Variants in SLC4A4 observed in about 807,000 individuals in gnomAD.
The protein encoded by SLC4A4 is electrogenic sodium bicarbonate cotransporter 1.
A neutral mutation model predicts 111.5 loss-of-function variants in SLC4A4; 27 were observed. The observed-to-expected ratio is 0.24, with a 90% CI of 0.18 to 0.33. The LOEUF (loss-of-function observed/expected upper bound fraction) is 0.33. SLC4A4 is among the 10% of genes least tolerant of loss of function. The probability of loss-of-function intolerance (pLI) is 1.00; values close to 1 mark genes in which losing one functional copy is unlikely to be tolerated. For missense variants in SLC4A4, 909 were observed against 1,315.5 expected (o/e 0.69, Z 4.78); for synonymous variants, 443 against 463.4 (o/e 0.96, Z 0.57).
At chr4:71,520,859 A>C (rs1732869143) in intron 16 of SLC4A4, among the ~76,000 whole-genome samples, 1 of 150,526 alleles carries the variant, frequency 6.6e-6, no homozygotes, top group African/African-American at 2.4e-5. Context: ...GGGGGTGGCT[A>C]GGGGTGGGAG....
intron 1 of SLC4A4, among the ~76,000 whole-genome samples, chr4:71,084,562 A>T (rs1742095327): frequency 6.6e-6 from 1 of 151,226 alleles, no homozygotes; most frequent in East Asian, 1.9e-4. Flanking sequence ...CCCTGCCCCC[A>T]CTGCACAACA....
At chr4:71,463,694 G>A (rs539045382) in intron 12 of SLC4A4, among the ~76,000 whole-genome samples, 87 of 152,278 alleles carry the variant, frequency 5.7e-4, no homozygotes, top group African/African-American at 2.0e-3. Context: ...AACAATGCCT[G>A]TTGACCTTTG....
chr4:71,177,195 G>A (rs1020980709), intron 2 of SLC4A4, among the ~76,000 whole-genome samples: 1 of 152,230 alleles, frequency 6.6e-6, no homozygotes, highest in South Asian at 2.1e-4. Context: ...ACATGGAAAG[G>A]AATAACCAGT....
intron 6 of SLC4A4, among the ~76,000 whole-genome samples, chr4:71,376,398 T>A (rs984677023): frequency 6.7e-6 from 1 of 150,370 alleles, no homozygotes; most frequent in Non-Finnish European, 1.5e-5. Flanking sequence ...AGAGACGGGG[T>A]TTCACTGTGT....
chr4:71,380,768 C>T (rs1718063416), intron 6 of SLC4A4, among the ~76,000 whole-genome samples: 2 of 152,186 alleles, frequency 1.3e-5, no homozygotes, highest in Non-Finnish European at 2.9e-5. Flanking sequence ...GGGGTTTAGA[C>T]TCCAGATGGC....
intron 7 of SLC4A4, among the ~76,000 whole-genome samples, chr4:71,427,147 T>G (rs912828764): frequency 3.9e-5 from 6 of 152,212 alleles, no homozygotes; most frequent in Admixed American, 3.9e-4. Context: ...TGTTATATAT[T>G]TGTTTTTAAA....
At chr4:71,377,130 G>A (rs1019674002) in intron 6 of SLC4A4, among the ~76,000 whole-genome samples, 3 of 152,090 alleles carry the variant, frequency 2.0e-5, no homozygotes, top group Middle Eastern at 3.2e-3. Flanking sequence ...AATGTAACAC[G>A]TATTGATAGA....
chr4:71,343,932 A>T (rs1404214355), intron 4 of SLC4A4, among the ~76,000 whole-genome samples: 1 of 152,050 alleles, frequency 6.6e-6, no homozygotes, highest in Non-Finnish European at 1.5e-5. Context: ...CCCCACAGTT[A>T]TCTGCGTGGC....
At chr4:71,370,571 C>A (rs1338587755) in intron 6 of SLC4A4, among the ~76,000 whole-genome samples, 1 of 152,122 alleles carries the variant, frequency 6.6e-6, no homozygotes, top group Non-Finnish European at 1.5e-5. Flanking sequence ...TTACCGTAAA[C>A]CTGGGTGTTT....
At chr4:71,485,584 C>A (rs892778086) in intron 14 of SLC4A4, among the ~76,000 whole-genome samples, 2 of 151,330 alleles carry the variant, frequency 1.3e-5, no homozygotes, top group African/African-American at 4.8e-5. Context: ...GATAATAATG[C>A]ACATGTACTT....
At chr4:71,342,298 A>G (rs1728962724) in intron 4 of SLC4A4, among the ~76,000 whole-genome samples, 1 of 152,232 alleles carries the variant, frequency 6.6e-6, no homozygotes, top group Admixed American at 6.5e-5. Flanking sequence ...CTTCCAAAGC[A>G]AAAGCTTTTT....
At chr4:71,510,898 TGGTTACCATGA>T (rs1396391887) in intron 16 of SLC4A4, among the ~76,000 whole-genome samples, 3 of 152,148 alleles carry the variant, frequency 2.0e-5, no homozygotes, top group Admixed American at 2.0e-4. Context: ...TTTTGCTTTG[TGGTTACCATGA>T]GGCTTACATA....
At chr4:71,245,388 G>C (rs539259965) in intron 2 of SLC4A4, among the ~76,000 whole-genome samples, 68 of 152,284 alleles carry the variant, frequency 4.5e-4, no homozygotes, top group African/African-American at 1.6e-3. Context: ...AGACAGAAGT[G>C]TGGGGGCTGT....
At chr4:71,365,813 T>A (rs1387198599) in intron 6 of SLC4A4, among the ~76,000 whole-genome samples, 1 of 152,206 alleles carries the variant, frequency 6.6e-6, no homozygotes, top group Non-Finnish European at 1.5e-5. Flanking sequence ...GTAGCTCTAA[T>A]GTATATATCA....
In SLC4A4 at chr4:71,362,845, G is replaced by GGTTCTTGCTGCTTTCCCCATGC. The variant is rs1230675211; in HGVS notation, c.730+5658_730+5659insGTTCTTGCTGCTTTCCCCATGC. On this transcript the variant is annotated intron_variant, in intron 6 of 25. Transcript: ENST00000264485. Reference sequence around the variant, plus strand: ...TCCAAGGAGAGCGGCTGGCTCCTAGGCTTCTTGCTGCTTTCCCCATGCCTT... The same window carrying GGTTCTTGCTGCTTTCCCCATGC: ...TCCAAGGAGAGCGGCTGGCTCCTAGGGTTCTTGCTGCTTTCCCCATGCCTTCTTGCTGCTTTCCCCATGCCTT... Among the ~76,000 whole-genome samples the GGTTCTTGCTGCTTTCCCCATGC allele has an allele frequency of 2.4e-4, 36 of 152,308 alleles. No individual in the cohort carries two copies. In the East Asian group the frequency reaches 5.0e-3, roughly 21 times the overall value.
intron 20 of SLC4A4, among the ~76,000 whole-genome samples, chr4:71,549,176 A>G (rs948316597): frequency 6.6e-6 from 1 of 151,930 alleles, no homozygotes; most frequent in Non-Finnish European, 1.5e-5. Flanking sequence ...CACCTTTGCC[A>G]GTGCAAAGCA....
At chr4:71,073,543 G>A (rs1485325475) in intron 1 of SLC4A4, among the ~76,000 whole-genome samples, 1 of 152,016 alleles carries the variant, frequency 6.6e-6, no homozygotes, top group Non-Finnish European at 1.5e-5. Flanking sequence ...CTATTTAAAA[G>A]TGCACAACCC....
At chr4:71,518,011 AG>A in intron 16 of SLC4A4, among the ~76,000 whole-genome samples, 1 of 152,140 alleles carries the variant, frequency 6.6e-6, no homozygotes, top group East Asian at 1.9e-4. Flanking sequence ...CCTTGGTTCA[AG>A]GAGTCTTCCT....
intron 7 of SLC4A4, among the ~76,000 whole-genome samples, chr4:71,428,711 G>T (rs1199538064): frequency 1.3e-5 from 2 of 152,020 alleles, no homozygotes; most frequent in Non-Finnish European, 2.9e-5. Flanking sequence ...CCAGAAATCA[G>T]ATATTTGCCC....
Sources: allele counts gnomAD v4.1 joint callset (sites outside exome capture counted in the v4.1 genomes callset), GRCh38; gene constraint gnomAD v4.1.1; transcripts MANE v1.5; gene names NCBI Gene and HGNC (gene_info 2026-07-23, HGNC 2026-07-21).